Variants in JMJD1C observed in about 807,000 individuals in gnomAD.
The protein encoded by JMJD1C is jumonji domain-containing protein 1C.
JMJD1C carries 31 observed loss-of-function variants against 245.3 expected under a neutral mutation model. The ratio of observed to expected loss-of-function variants is 0.13; its 90% CI spans 0.09 to 0.17. JMJD1C has a LOEUF of 0.17. JMJD1C is among the 10% of genes least tolerant of loss of function. The pLI is 1.00. For missense variants in JMJD1C, 2,691 were observed against 3,000.2 expected, an observed-to-expected ratio of 0.90 and a Z score of 2.41; for synonymous variants, 1,057 against 1,017.4, an observed-to-expected ratio of 1.04 and a Z score of -0.74.
chr10:63,200,371 A>G, intron 11 of JMJD1C, 105 bp downstream of exon 11: 1 of 806,244 alleles, frequency 1.2e-6, no homozygotes, highest in Non-Finnish European at 2.0e-6. Flanking sequence ...ATGGAGACTC[A>G]AAGACTTACT....
chr10:63,189,246 C>T lies in JMJD1C; in HGVS notation c.6492G>A (p.Glu2164=). The T allele has an allele frequency of 6.2e-7, 1 of 1,612,892 alleles. No homozygotes were observed. The highest frequency in any genetic ancestry group is 8.5e-7 in the Non-Finnish European group (1 of 1,179,070). The change falls in exon 18 of 26, where the codon GAG becomes GAA. Residue 2164 remains glutamate, a synonymous_variant. Transcript: ENST00000399262. ...YSDIPHSWIC[E]KHILWLKDYK... ...AATCCTTAAGCCATAAAATATGCTT[C>T]TCACAGATCCAAGAATGTGGTATAT...
At chr10:63,256,633 G>A (rs1853970779) in intron 3 of JMJD1C, among the ~76,000 whole-genome samples, 1 of 152,154 alleles carries the variant, frequency 6.6e-6, no homozygotes, top group Non-Finnish European at 1.5e-5. Context: ...CAAAATAGCT[G>A]TTTCCTGTTC....
At chr10:63,283,619 G>C (rs1857650146) in intron 2 of JMJD1C, among the ~76,000 whole-genome samples, 1 of 151,956 alleles carries the variant, frequency 6.6e-6, no homozygotes, top group Non-Finnish European at 1.5e-5. Context: ...CACCCACCTC[G>C]GCCTCCCGAA....
At chr10:63,251,961 C>T (rs1388946375) in intron 3 of JMJD1C, among the ~76,000 whole-genome samples, 1 of 152,158 alleles carries the variant, frequency 6.6e-6, no homozygotes, top group Non-Finnish European at 1.5e-5. Context: ...GCAGTTGAGA[C>T]AAGATCGTGC....
chr10:63,333,961 TA>T (rs1205140538), intron 2 of JMJD1C, among the ~76,000 whole-genome samples: 9 of 151,982 alleles, frequency 5.9e-5, no homozygotes, highest in Non-Finnish European at 1.2e-4. Context: ...GCAGATCAAT[TA>T]AAAAAAATAA....
intron 2 of JMJD1C, among the ~76,000 whole-genome samples, chr10:63,282,529 T>C (rs1177471103): frequency 6.6e-6 from 1 of 152,168 alleles, no homozygotes; most frequent in Non-Finnish European, 1.5e-5. Context: ...CAATTAAAGA[T>C]TGGCACTGAA....
intron 2 of JMJD1C, among the ~76,000 whole-genome samples, chr10:63,363,485 T>C (rs924602144): frequency 2.0e-5 from 3 of 152,102 alleles, no homozygotes; most frequent in African/African-American, 7.2e-5. Context: ...TGAGAACTCA[T>C]GAGTTCAGGG....
At chr10:63,311,342 G>T (rs1429705718) in intron 2 of JMJD1C, among the ~76,000 whole-genome samples, 4 of 152,068 alleles carry the variant, frequency 2.6e-5, no homozygotes, top group Non-Finnish European at 4.4e-5. Flanking sequence ...TGGCGCCATT[G>T]CACTCCATCC....
intron 3 of JMJD1C, among the ~76,000 whole-genome samples, chr10:63,242,385 T>C (rs1347933940): frequency 2.0e-5 from 3 of 152,188 alleles, no homozygotes; most frequent in Non-Finnish European, 4.4e-5. Flanking sequence ...TAGCCACATA[T>C]GACTAGTAGC....
At position 63,190,986 on chromosome 10, in the gene JMJD1C, G is replaced by A. The variant is rs1267202237; in HGVS notation, c.6199C>T (p.Arg2067Trp). The change falls in exon 17 of 26, where the codon CGG becomes TGG. Residue 2067 changes from arginine (R) to tryptophan (W), a missense_variant. Coordinates refer to ENST00000399262, the MANE Select transcript of JMJD1C (RefSeq NM_032776.3). ...SQNNEQGSTL[R>W]DLLTTTAGKL... ...CCAGCTGTTGTAGTCAGCAAATCCCGTAAGGTTGAGCCTTGTTCATTATTC... is the reference window on the plus strand; with the variant it reads ...CCAGCTGTTGTAGTCAGCAAATCCCATAAGGTTGAGCCTTGTTCATTATTC... 8 of 1,614,018 alleles carry A rather than the reference G, an allele frequency of 5.0e-6. No individual in the cohort carries two copies. The highest frequency in any genetic ancestry group is 1.1e-5 in the South Asian group (1 of 91,084).
Position 63,314,949 on chromosome 10 carries a change from C to CTTTTTTT in JMJD1C, c.334-50186_334-50185insAAAAAAA, listed in dbSNP as rs201119978. 6.7e-5 allele frequency among the ~76,000 whole-genome samples: 8 copies of CTTTTTTT among 118,596 alleles called. 1 individual carries two copies. Among genetic ancestry groups the CTTTTTTT allele is most frequent in the Non-Finnish European group, 1.2e-4 (7 of 58,806 alleles). 77.8% of individuals were successfully genotyped at this position (118,596 alleles called of 152,430 possible). ...CAGGCTTGAGTTCACTGTGCCCAGC[C>CTTTTTTT]TTTTTTGTTTTTTTTTTTTTTTTGA... On this transcript the variant is annotated intron_variant, in intron 2 of 25. Coordinates refer to ENST00000399262, the MANE Select transcript of JMJD1C (RefSeq NM_032776.3).
chr10:63,225,276 ATAAC>A (rs1849125417), intron 3 of JMJD1C, among the ~76,000 whole-genome samples: 1 of 152,166 alleles, frequency 6.6e-6, no homozygotes, highest in Non-Finnish European at 1.5e-5. Context: ...GCTACTAGTT[ATAAC>A]CTCCAGCAAA....
intron 1 of JMJD1C, among the ~76,000 whole-genome samples, chr10:63,446,389 C>A (rs1951722201): frequency 6.6e-6 from 1 of 151,994 alleles, no homozygotes; most frequent in Non-Finnish European, 1.5e-5. Flanking sequence ...TATTAGACAT[C>A]CAAATAGAGA....
rs550112219 is a variant in JMJD1C at position 63,260,515 on chromosome 10, A to G, written c.447+4136T>C. On this transcript the variant is annotated intron_variant, in intron 3 of 25. Transcript: ENST00000399262. ...CAAAACTGTTATCAAAATTTAATGG[A>G]AAGTTTTTTTGAACTTCTATAATCA... 1.1e-3 allele frequency among the ~76,000 whole-genome samples: 167 copies of G among 152,338 alleles called. 1 individual carries two copies. The highest frequency in any genetic ancestry group is 3.9e-3 in the African/African-American group (161 of 41,576).
At chr10:63,336,769 A>G (rs1942777095) in intron 2 of JMJD1C, among the ~76,000 whole-genome samples, 1 of 152,138 alleles carries the variant, frequency 6.6e-6, no homozygotes, top group South Asian at 2.1e-4. Context: ...CTTATAGAAG[A>G]ATGCAAATAA....
chr10:63,465,338 G>A, intron 1 of JMJD1C, 157 bp downstream of exon 1: 1 of 747,118 alleles, frequency 1.3e-6, no homozygotes, highest in Non-Finnish European at 2.1e-6. Flanking sequence ...CAGGGACCCA[G>A]GCAAGGGATG....
intron 21 of JMJD1C, among the ~76,000 whole-genome samples, chr10:63,184,388 G>A (rs1000155920): frequency 1.3e-4 from 19 of 151,918 alleles, no homozygotes; most frequent in African/African-American, 3.6e-4. Flanking sequence ...GACTATAGGC[G>A]CACGCCACCA....
chr10:63,520,902 G>A, intron 1 of JMJD1C, among the ~76,000 whole-genome samples: 1 of 152,204 alleles, frequency 6.6e-6, no homozygotes, highest in Non-Finnish European at 1.5e-5. Flanking sequence ...TTAAAATGTG[G>A]TAATATAAGG....
At chr10:63,331,781 C>T (rs779313009) in intron 2 of JMJD1C, among the ~76,000 whole-genome samples, 1 of 152,258 alleles carries the variant, frequency 6.6e-6, no homozygotes, top group East Asian at 1.9e-4. Context: ...CCACGCCCAA[C>T]TAATTTTTCT....
Sources: gnomAD v4.1 joint callset for allele counts (sites outside exome capture counted in the v4.1 genomes callset) on GRCh38, gnomAD v4.1.1 for gene constraint, MANE v1.5 for transcripts, NCBI Gene and HGNC (gene_info 2026-07-23, HGNC 2026-07-21) for gene names.